Variants in AGFG1 observed in about 807,000 individuals in gnomAD.
The protein encoded by AGFG1 is ArfGAP with FG repeats 1.
Under a neutral mutation model 60.6 loss-of-function variants are expected in AGFG1, and 10 were observed. The ratio of observed to expected loss-of-function variants is 0.16; its 90% CI spans 0.10 to 0.28. The LOEUF (loss-of-function observed/expected upper bound fraction) is 0.28. Among genes scored for constraint, AGFG1 ranks in the 10% least tolerant of loss-of-function variants. The probability of loss-of-function intolerance (pLI) is 1.00; values close to 1 mark genes in which losing one functional copy is unlikely to be tolerated. For missense variants in AGFG1, 537 were observed against 676.5 expected (o/e 0.79, Z 2.29); for synonymous variants, 247 against 242.9 (o/e 1.02, Z -0.16).
At chr2:227,522,499 G>A (rs1034784180) in intron 3 of AGFG1, among the ~76,000 whole-genome samples, 3 of 152,178 alleles carry the variant, frequency 2.0e-5, no homozygotes, top group Non-Finnish European at 2.9e-5. Context: ...TAGTTAACAC[G>A]TATACCAGGA....
intron 1 of AGFG1, among the ~76,000 whole-genome samples, chr2:227,490,851 A>G (rs1690794320): frequency 1.3e-5 from 2 of 152,234 alleles, no homozygotes; most frequent in Admixed American, 1.3e-4. Context: ...TTTTAAGGCC[A>G]TCCATACAGA....
At chr2:227,497,443 T>C (rs1407734246) in intron 2 of AGFG1, among the ~76,000 whole-genome samples, 1 of 152,198 alleles carries the variant, frequency 6.6e-6, no homozygotes, top group African/African-American at 2.4e-5. Flanking sequence ...AATGCTGGCT[T>C]TTATTTTTGC....
intron 1 of AGFG1, among the ~76,000 whole-genome samples, chr2:227,481,750 G>C (rs760088027): frequency 4.6e-5 from 7 of 151,942 alleles, no homozygotes; most frequent in Non-Finnish European, 8.8e-5. Context: ...TGCAGTATGA[G>C]ATAAACACAT....
In AGFG1 at chr2:227,535,030, C is replaced by T. The variant is rs1413193311; in HGVS notation, c.1205+5C>T. On this transcript the variant is annotated splice_donor_5th_base_variant and intron_variant, in intron 8 of 12. Transcript: ENST00000310078. ...TTCCACAAGTAATGCTAGCAGGTAC[C>T]TTGTCTTAGCTAGCCCTCCTGCTTT... 3 of 1,588,930 alleles carry T rather than the reference C, an allele frequency of 1.9e-6. No individual in the cohort carries two copies. Among genetic ancestry groups the T allele is most frequent in the South Asian group, 2.3e-5 (2 of 87,716 alleles).
chr2:227,550,927 G>T (rs1424847711), intron 10 of AGFG1, among the ~76,000 whole-genome samples: 1 of 152,118 alleles, frequency 6.6e-6, no homozygotes, highest in Non-Finnish European at 1.5e-5. Context: ...TATATTCAAA[G>T]CAACATTATT....
At chr2:227,485,031 T>G (rs1330689108) in intron 1 of AGFG1, among the ~76,000 whole-genome samples, 2 of 151,976 alleles carry the variant, frequency 1.3e-5, no homozygotes, top group Non-Finnish European at 2.9e-5. Context: ...TTTGTTTTGT[T>G]TTTTATCTGA....
chr2:227,493,303 G>GAATT (rs1559171440), intron 2 of AGFG1, among the ~76,000 whole-genome samples: 1 of 152,094 alleles, frequency 6.6e-6, no homozygotes, highest in Non-Finnish European at 1.5e-5. Flanking sequence ...TATACCAGTT[G>GAATT]AATTACAGCT....
intron 10 of AGFG1, among the ~76,000 whole-genome samples, chr2:227,548,709 A>G (rs568161794): frequency 8.5e-5 from 13 of 152,266 alleles, no homozygotes; most frequent in Admixed American, 2.0e-4. Context: ...AGGCCGAGGC[A>G]GGCGGATCAC....
At chr2:227,505,002 G>A (rs1443929541) in intron 2 of AGFG1, among the ~76,000 whole-genome samples, 1 of 152,094 alleles carries the variant, frequency 6.6e-6, no homozygotes, top group Admixed American at 6.5e-5. Flanking sequence ...GTCTAGTTAA[G>A]CAACTGCAGA....
intron 10 of AGFG1, among the ~76,000 whole-genome samples, chr2:227,543,009 T>G (rs1289913150): frequency 6.6e-6 from 1 of 152,156 alleles, no homozygotes; most frequent in African/African-American, 2.4e-5. Context: ...GATACCCCCT[T>G]TATCATTTTT....
intron 2 of AGFG1, among the ~76,000 whole-genome samples, chr2:227,493,548 G>A (rs1051605672): frequency 2.6e-5 from 4 of 152,148 alleles, no homozygotes; most frequent in Non-Finnish European, 5.9e-5. Context: ...AAAAGAATTA[G>A]TTAATTTTTA....
chr2:227,474,319 T>C (rs774600596), intron 1 of AGFG1, among the ~76,000 whole-genome samples: 3 of 152,238 alleles, frequency 2.0e-5, no homozygotes, highest in Non-Finnish European at 2.9e-5. Flanking sequence ...CCATGTAAAG[T>C]ATTTGATTTG....
chr2:227,521,149 C>T (rs999917498), intron 3 of AGFG1, among the ~76,000 whole-genome samples: 2 of 151,974 alleles, frequency 1.3e-5, no homozygotes, highest in Non-Finnish European at 2.9e-5. Flanking sequence ...CACTGCAACC[C>T]CCGCCTCCTG....
intron 1 of AGFG1, among the ~76,000 whole-genome samples, chr2:227,487,970 A>G (rs1000348980): frequency 1.3e-5 from 2 of 152,270 alleles, no homozygotes; most frequent in Non-Finnish European, 2.9e-5. Context: ...TAAAAGAGCA[A>G]TTAGAGAAAG....
chr2:227,510,321 G>A (rs1691458970), intron 2 of AGFG1, among the ~76,000 whole-genome samples: 2 of 152,042 alleles, frequency 1.3e-5, no homozygotes, highest in South Asian at 4.1e-4. Flanking sequence ...CTAACCCTGG[G>A]GCTAGTGACT....
At chr2:227,552,782 A>G (rs1692859338) in intron 11 of AGFG1, among the ~76,000 whole-genome samples, 1 of 151,248 alleles carries the variant, frequency 6.6e-6, no homozygotes, top group African/African-American at 2.4e-5. Context: ...TGGGCGGATC[A>G]TCTGAGCTCG....
chr2:227,506,667 T>TTTA, intron 2 of AGFG1, among the ~76,000 whole-genome samples: 1 of 151,770 alleles, frequency 6.6e-6, no homozygotes, highest in Non-Finnish European at 1.5e-5. Context: ...TTGTCCAGAG[T>TTTA]TTATAGTTGT....
chr2:227,510,361 T>A (rs542853114), intron 2 of AGFG1, among the ~76,000 whole-genome samples: 1 of 152,262 alleles, frequency 6.6e-6, no homozygotes, highest in South Asian at 2.1e-4. Context: ...AGAAATTGAA[T>A]TAAGGTTCAC....
chr2:227,518,482 G>A lies in AGFG1; in HGVS notation c.262-1466G>A, dbSNP rs1353916269. Among the ~76,000 whole-genome samples, 3 of 143,432 alleles carry A rather than the reference G, an allele frequency of 2.1e-5. No individual in the cohort carries two copies. In the East Asian group the frequency reaches 6.3e-4, roughly 30 times the overall value. The allele number at this position is 143,432 out of a possible 152,430, so 94.1% of individuals were successfully genotyped here. A position where few individuals can be genotyped will look rare whatever the true frequency, so the allele number is the denominator to read the frequency against. ...CACTTTGTTTTCGGCTTTTCTAGTA[G>A]TATATGCATGTCTGTCTTGTGGAGT... is the stretch of plus-strand genomic sequence containing the variant. On this transcript the variant is annotated intron_variant, in intron 2 of 12. Transcript: ENST00000310078.
Sources: allele counts gnomAD v4.1 joint callset (sites outside exome capture counted in the v4.1 genomes callset), GRCh38; gene constraint gnomAD v4.1.1; transcripts MANE v1.5; gene names NCBI Gene and HGNC (gene_info 2026-07-23, HGNC 2026-07-21).